The following NEBL variants were observed in gnomAD, a reference collection of about 807,000 sequenced individuals.
The protein encoded by NEBL is nebulette.
NEBL carries 122 observed loss-of-function variants against 140.2 expected under a neutral mutation model. The ratio of observed to expected loss-of-function variants is 0.87; its 90% confidence interval spans 0.75 to 1.01. The LOEUF (loss-of-function observed/expected upper bound fraction) is 1.01. NEBL is among the 50% of genes least tolerant of loss of function. NEBL has a pLI of 0.00. For missense variants in NEBL, 1,365 were observed against 1,231.3 expected (o/e 1.11, Z -1.62); for synonymous variants, 436 against 398.9 (o/e 1.09, Z -1.11).
intron 22 of NEBL, 27 bp from the exon 23 acceptor site, chr10:20,814,070 C>T (rs745863250): frequency 2.9e-6 from 4 of 1,361,340 alleles, no homozygotes; most frequent in Middle Eastern, 1.8e-4. Context: ...AGGCATAAGA[C>T]AATGATAAGA....
At chr10:21,002,012 G>A (rs1397602442) in intron 3 of NEBL, among the ~76,000 whole-genome samples, 1 of 152,066 alleles carries the variant, frequency 6.6e-6, no homozygotes, top group African/African-American at 2.4e-5. Context: ...AGTAATTAAG[G>A]TGATTTGTTA....
intron 3 of NEBL, among the ~76,000 whole-genome samples, chr10:21,185,307 A>G (rs1841447083): frequency 6.6e-6 from 1 of 152,110 alleles, no homozygotes; most frequent in African/African-American, 2.4e-5. Flanking sequence ...CAGAGACTGC[A>G]GAGACCTGCT....
chr10:20,819,175 C>G (rs1464795849), intron 20 of NEBL: 1 of 855,008 alleles, frequency 1.2e-6, no homozygotes, highest in African/African-American at 1.7e-5. Flanking sequence ...GGCATTAAGC[C>G]CAGTACTCAA....
At position 21,166,240 on chromosome 10, in the gene NEBL, AAAAAAGAAAAG is replaced by A. The variant is rs1356041172; in HGVS notation, c.164+6132_164+6142del. Among the ~76,000 whole-genome samples, 43 of 104,056 alleles carry A rather than the reference AAAAAAGAAAAG, an allele frequency of 4.1e-4. 1 individual carries two copies. The highest frequency in any genetic ancestry group is 6.7e-4 in the South Asian group (2 of 2,972). 68.3% of individuals were successfully genotyped at this position (104,056 alleles called of 152,430 possible). On this transcript the variant is annotated intron_variant, in intron 2 of 6. Transcript: ENST00000417816. ...GTCTCAAAAAAAAAAAAAAAAAAAAAAAAAAGAAAAGAAAAAAAAATTTTCTACATCATGAT... is the reference window on the plus strand; with the variant it reads ...GTCTCAAAAAAAAAAAAAAAAAAAAAAAAAAAAAATTTTCTACATCATGAT...
intron 2 of NEBL, among the ~76,000 whole-genome samples, chr10:21,147,168 C>T (rs573224679): frequency 8.5e-5 from 13 of 152,264 alleles, no homozygotes; most frequent in South Asian, 2.1e-4. Flanking sequence ...ACTACATCCA[C>T]GCACATCTTC....
intron 2 of NEBL, among the ~76,000 whole-genome samples, chr10:21,060,477 C>T (rs546808795): frequency 7.9e-5 from 12 of 152,282 alleles, no homozygotes; most frequent in African/African-American, 2.6e-4. Flanking sequence ...TTCTGCACAG[C>T]TATTATATCG....
rs139900114 is a variant in NEBL, at chr10:20,838,585, G to T, written c.1338+2154C>A. Among the ~76,000 whole-genome samples, 502 of 152,264 alleles carry T rather than the reference G, an allele frequency of 3.3e-3. 2 individuals carry two copies. Among genetic ancestry groups the T allele is most frequent in the African/African-American group, 0.012 (485 of 41,546 alleles). ...CATTAAAGCAGCAATGGGTTTGAGAGGTTGGTCTCTAATCTTGAAAGTTCT... is the reference window on the plus strand; with the variant it reads ...CATTAAAGCAGCAATGGGTTTGAGATGTTGGTCTCTAATCTTGAAAGTTCT... On this transcript the variant is annotated intron_variant, in intron 13 of 27. Coordinates refer to ENST00000377122, the MANE Select transcript of NEBL (RefSeq NM_006393.3).
In NEBL at chr10:21,118,060, T is replaced by G. The variant is rs141849538; in HGVS notation, c.164+54323A>C. Reference sequence around the variant, plus strand: ...CATAGCCATCATTATGATTTCCTCATGTGCCCACTGAGAAGGATGGCAACC... The same window carrying G: ...CATAGCCATCATTATGATTTCCTCAGGTGCCCACTGAGAAGGATGGCAACC... On this transcript the variant is annotated intron_variant, in intron 2 of 6. Transcript: ENST00000417816. Among the ~76,000 whole-genome samples, 375 of 152,252 alleles carry G rather than the reference T, an allele frequency of 2.5e-3. 3 individuals are homozygous for G. The highest frequency in any genetic ancestry group is 8.7e-3 in the African/African-American group (362 of 41,554).
At chr10:21,146,561 G>T in intron 2 of NEBL, 1 of 1,389,694 alleles carries the variant, frequency 7.2e-7, no homozygotes, top group Non-Finnish European at 1.0e-6. Context: ...TTTGGGCATT[G>T]TTACCTTGGA....
rs143894195 is a variant in NEBL, at chr10:21,259,191, G to T, written n.183-7363C>A. Among the ~76,000 whole-genome samples the T allele has an allele frequency of 5.4e-3, 815 of 151,914 alleles. 7 individuals are homozygous for T. The highest frequency in any genetic ancestry group is 0.018 in the African/African-American group (760 of 41,428). On this transcript the variant is annotated intron_variant and non_coding_transcript_variant, in intron 1 of 8. Transcript: ENST00000675702. Reference sequence around the variant, plus strand: ...CAAACTCCGCCTCTTAGGTTCAAGCGATTCTTGTGCCTCAGCCTCCCGAGC... The same window carrying T: ...CAAACTCCGCCTCTTAGGTTCAAGCTATTCTTGTGCCTCAGCCTCCCGAGC...
At chr10:21,266,162 A>T (rs948373602) in intron 1 of NEBL, among the ~76,000 whole-genome samples, 4 of 151,048 alleles carry the variant, frequency 2.6e-5, no homozygotes, top group African/African-American at 4.9e-5. Flanking sequence ...TTTTGTTGAG[A>T]TGGGGTCTCA....
chr10:20,946,504 C>T (rs1364920045), intron 4 of NEBL, among the ~76,000 whole-genome samples: 1 of 152,092 alleles, frequency 6.6e-6, no homozygotes, highest in African/African-American at 2.4e-5. Context: ...CTCTGTCACC[C>T]AGGCTGAAGT....
At chr10:21,262,556 G>C (rs1214555407) in intron 1 of NEBL, among the ~76,000 whole-genome samples, 2 of 152,218 alleles carry the variant, frequency 1.3e-5, no homozygotes, top group African/African-American at 4.8e-5. Context: ...CTGGGGCTTT[G>C]ATGAATTCAA....
At chr10:21,288,850 A>ATATAT (rs1554836851) in intron 1 of NEBL, among the ~76,000 whole-genome samples, 11 of 73,476 alleles carry the variant, frequency 1.5e-4, no homozygotes, top group African/African-American at 4.6e-4. Flanking sequence ...ATATATATAT[A>ATATAT]AAAATTTTTT....
chr10:21,196,667 T>G (rs1478341111), intron 3 of NEBL, among the ~76,000 whole-genome samples: 1 of 152,186 alleles, frequency 6.6e-6, no homozygotes, highest in Non-Finnish European at 1.5e-5. Context: ...ATTTTGGCAC[T>G]ATTGATACTG....
At chr10:20,804,235 G>A (rs1187333071) in intron 26 of NEBL, 2 of 152,092 alleles carry the variant, frequency 1.3e-5, no homozygotes, top group African/African-American at 4.8e-5. Context: ...TCAGGAAAGG[G>A]GTGCTATTTT....
chr10:20,941,274 G>C (rs567560269), intron 4 of NEBL, among the ~76,000 whole-genome samples: 1 of 152,170 alleles, frequency 6.6e-6, no homozygotes, highest in East Asian at 1.9e-4. Context: ...ATGCAAGGCC[G>C]GTTCAACATA....
At chr10:21,277,146 A>G (rs1842935043) in intron 1 of NEBL, among the ~76,000 whole-genome samples, 1 of 152,114 alleles carries the variant, frequency 6.6e-6, no homozygotes, top group African/African-American at 2.4e-5. Flanking sequence ...AAAACAAAAA[A>G]AAACACGATT....
At chr10:21,157,635 A>G (rs1840386974) in intron 2 of NEBL, among the ~76,000 whole-genome samples, 1 of 152,226 alleles carries the variant, frequency 6.6e-6, no homozygotes, top group South Asian at 2.1e-4. Flanking sequence ...CACTGTGTAT[A>G]TATTTCCTTT....
Sources: allele counts gnomAD v4.1 joint callset (sites outside exome capture counted in the v4.1 genomes callset), GRCh38; gene constraint gnomAD v4.1.1; transcripts MANE v1.5; gene names NCBI Gene and HGNC (gene_info 2026-07-23, HGNC 2026-07-21).